ATXN10: variants seen among roughly 807,000 people sequenced by gnomAD.
The protein encoded by ATXN10 is ataxin-10.
In ATXN10, 28 loss-of-function variants were observed where a neutral mutation model predicts 52.9. The observed-to-expected ratio is 0.53, with a 90% confidence interval of 0.39 to 0.73. The LOEUF is 0.73. Among genes scored for constraint, ATXN10 ranks in the 30% least tolerant of loss-of-function variants. The pLI is 0.00. For missense variants in ATXN10, 565 were observed against 577.0 expected (o/e 0.98, Z 0.21); for synonymous variants, 226 against 221.5 (o/e 1.02, Z -0.18).
At chr22:45,800,928 G>A (rs889258982) in intron 9 of ATXN10, among the ~76,000 whole-genome samples, 2 of 152,236 alleles carry the variant, frequency 1.3e-5, no homozygotes, top group Non-Finnish European at 2.9e-5. Flanking sequence ...AGCTGCGCAA[G>A]GAGCTTTTGG....
At chr22:45,743,020 A>G (rs1269315850) in intron 9 of ATXN10, among the ~76,000 whole-genome samples, 1 of 152,234 alleles carries the variant, frequency 6.6e-6, no homozygotes, top group Non-Finnish European at 1.5e-5. Flanking sequence ...AGTAACCCTT[A>G]AAAGGCTTGC....
intron 10 of ATXN10, among the ~76,000 whole-genome samples, chr22:45,809,550 A>G (rs739157): frequency 3.9e-5 from 6 of 151,982 alleles, no homozygotes; most frequent in Non-Finnish European, 7.4e-5. Flanking sequence ...TGTTTATTTT[A>G]TGACATGAAC....
chr22:45,739,448 A>C (rs1053783259), intron 8 of ATXN10, among the ~76,000 whole-genome samples: 1 of 152,138 alleles, frequency 6.6e-6, no homozygotes, highest in African/African-American at 2.4e-5. Context: ...TACTCTGGAG[A>C]CCAGTGTCCT....
In ATXN10 at chr22:45,826,921, T is replaced by C. The variant is rs2146905789; in HGVS notation, c.1238-16070T>C. ...ATAACTTCACATTTTGTTTTCTACA[T>C]ATTTTAAGAGACTAATGTGTCTGAA... On this transcript the variant is annotated intron_variant, in intron 10 of 11. Transcript: ENST00000252934. This position sits in a 1 kb window ranked among gnomAD's most constrained non-coding sequence, Gnocchi z 5.0. 6.6e-6 allele frequency among the ~76,000 whole-genome samples: 1 copy of C among 152,364 alleles called. No individual in the cohort carries two copies. The highest frequency in any genetic ancestry group is 2.1e-4 in the South Asian group (1 of 4,830).
chr22:45,747,398 G>A (rs1925773572), intron 9 of ATXN10, among the ~76,000 whole-genome samples: 1 of 152,124 alleles, frequency 6.6e-6, no homozygotes, highest in African/African-American at 2.4e-5. Context: ...CAGCTGTTTG[G>A]GAGACTAAGG....
Position 45,843,892 on chromosome 22 carries a change from C to G in ATXN10, c.*221C>G, listed in dbSNP as rs998833443. 1.7e-5 allele frequency: 10 copies of G among 595,820 alleles called. No homozygotes were observed. The highest frequency in any genetic ancestry group is 3.0e-5 in the Non-Finnish European group (10 of 336,508). The allele number at this position is 595,820 out of a possible 1,614,324, so 36.9% of individuals were successfully genotyped here. A position where few individuals can be genotyped will look rare whatever the true frequency, so the allele number is the denominator to read the frequency against. ...ATGTAACTGTGTGGTTTGCCTTTGT[C>G]CCCCTGGATAGAACGTGCATTTAAA... is the stretch of plus-strand genomic sequence containing the variant. On this transcript the variant is annotated 3_prime_UTR_variant, in exon 12 of 12. Transcript: ENST00000252934. The surrounding 1 kb of genome is among the most constrained non-coding windows in gnomAD (Gnocchi z 4.5).
intron 10 of ATXN10, among the ~76,000 whole-genome samples, chr22:45,830,792 C>T (rs80031504): frequency 0.046 from 6,959 of 151,496 alleles, 186 homozygotes; most frequent in Non-Finnish European, 0.06. Context: ...TTGTGGAAAA[C>T]GGTTTGGCAA....
rs534142478 is a variant in ATXN10, at chr22:45,789,406, C to T, written c.1174-17553C>T. ...AAATCATTGTTAAGTATCTCGGGAC[C>T]GGGCAAGGGATGCAAGGATGAGTGG... On this transcript the variant is annotated intron_variant, in intron 9 of 11. Coordinates refer to ENST00000252934, the MANE Select transcript of ATXN10 (RefSeq NM_013236.4). The surrounding 1 kb of genome is among the most constrained non-coding windows in gnomAD (Gnocchi z 4.0). 2.0e-5 allele frequency among the ~76,000 whole-genome samples: 3 copies of T among 152,166 alleles called. No individual in the cohort carries two copies. Among genetic ancestry groups the T allele is most frequent in the African/African-American group, 4.8e-5 (2 of 41,506 alleles).
intron 5 of ATXN10, among the ~76,000 whole-genome samples, chr22:45,711,220 G>T (rs1041244354): frequency 1.3e-5 from 2 of 151,992 alleles, no homozygotes; most frequent in Admixed American, 1.3e-4. Context: ...GCCATAACTT[G>T]GGAAGATCTC....
At chr22:45,741,451 C>T (rs566488377) in intron 9 of ATXN10, among the ~76,000 whole-genome samples, 1 of 152,240 alleles carries the variant, frequency 6.6e-6, no homozygotes, top group South Asian at 2.1e-4. Context: ...GATCACCTTG[C>T]TGCGAGTTGC....
Position 45,705,156 on chromosome 22 carries a change from C to T in ATXN10, c.647+2309C>T, listed in dbSNP as rs534747629. The stretch of plus-strand genomic sequence containing the variant: ...AATCCTTTTTATATGTTGCTGGATT[C>T]GGTTCATATTTTGTTGGGGATTTTT... On this transcript the variant is annotated intron_variant, in intron 5 of 11. Transcript: ENST00000252934. The surrounding 1 kb of genome is among the most constrained non-coding windows in gnomAD (Gnocchi z 5.2). Among the ~76,000 whole-genome samples the T allele has an allele frequency of 5.2e-4, 79 of 152,022 alleles. No homozygotes were observed. Among genetic ancestry groups the T allele is most frequent in the African/African-American group, 1.8e-3 (73 of 41,460 alleles).
rs1476341280 is a variant in ATXN10, at chr22:45,816,387, T to C, written c.1237+9365T>C. Among the ~76,000 whole-genome samples, 1 of 152,232 alleles carries C rather than the reference T, an allele frequency of 6.6e-6. No individual in the cohort carries two copies. Among genetic ancestry groups the C allele is most frequent in the Non-Finnish European group, 1.5e-5 (1 of 68,030 alleles). ...TCTCCCGTTTCCTCTCTTTCCTCCT[T>C]TTAGACTTCGGTCATGTATGTCTTC... On this transcript the variant is annotated intron_variant, in intron 10 of 11. Transcript: ENST00000252934. The surrounding 1 kb of genome is among the most constrained non-coding windows in gnomAD (Gnocchi z 5.8).
At position 45,700,303 on chromosome 22, in the gene ATXN10, T is replaced by G. The variant is rs777307727; in HGVS notation, c.413T>G (p.Phe138Cys). ...LLTAFRCGLQ[F>C]LGNIASRNED... is the part of the protein sequence containing the mutation. ...TTAGCTTTTCGCTGTGGCCTGCAGT[T>G]TTTAGGCAACATTGCCTCACGGAAT... The change falls in exon 4 of 12, where the codon TTT becomes TGT. Residue 138 changes from phenylalanine to cysteine, a missense_variant. Phe to Cys is a radical substitution (Grantham distance 205). Coordinates refer to ENST00000252934, the MANE Select transcript of ATXN10 (RefSeq NM_013236.4). The G allele has an allele frequency of 3.8e-5, 61 of 1,613,620 alleles. No homozygotes were observed. Among genetic ancestry groups the G allele is most frequent in the Non-Finnish European group, 4.9e-5 (58 of 1,179,634 alleles).
chr22:45,729,692 A>T, intron 7 of ATXN10, 102 bp downstream of exon 7: 1 of 1,281,240 alleles, frequency 7.8e-7, no homozygotes. Context: ...GCTTTAAAAA[A>T]TATTATGTAA....
intron 10 of ATXN10, among the ~76,000 whole-genome samples, chr22:45,807,306 A>T (rs1402258214): frequency 6.6e-6 from 1 of 152,332 alleles, no homozygotes; most frequent in East Asian, 1.9e-4. Flanking sequence ...CATGCAAGGC[A>T]CTGTGCTGCG....
At chr22:45,679,647 G>T (rs1019994817) in intron 1 of ATXN10, 7 of 152,228 alleles carry the variant, frequency 4.6e-5, no homozygotes, top group Non-Finnish European at 1.0e-4. Context: ...CTTGGCTGAG[G>T]ACGCCATATG....
chr22:45,751,740 G>GAAAAAAAAAAAAAAAAAAAAA (rs200364242), intron 9 of ATXN10, among the ~76,000 whole-genome samples: 5 of 45,456 alleles, frequency 1.1e-4, no homozygotes. Context: ...CCTTTTTCTG[G>GAAAAAAAAAAAAAAAAAAAAA]AAAAAAAAAA....
rs1294687136 is a variant in ATXN10, at chr22:45,833,454, G to A, written c.1238-9537G>A. Reference sequence around the variant, plus strand: ...TCGCCAGAAGCTCCACCCTGTTCATGTTCTTCATTTAATCCTTTCTAACTT... The same window carrying A: ...TCGCCAGAAGCTCCACCCTGTTCATATTCTTCATTTAATCCTTTCTAACTT... On this transcript the variant is annotated intron_variant, in intron 10 of 11. Coordinates refer to ENST00000252934, the MANE Select transcript of ATXN10 (RefSeq NM_013236.4). The surrounding 1 kb of genome is among the most constrained non-coding windows in gnomAD (Gnocchi z 4.3). Among the ~76,000 whole-genome samples the A allele has an allele frequency of 6.6e-6, 1 of 152,176 alleles. No individual in the cohort carries two copies. Among genetic ancestry groups the A allele is most frequent in the African/African-American group, 2.4e-5 (1 of 41,432 alleles).
chr22:45,775,223 G>T lies in ATXN10; in HGVS notation c.1174-31736G>T, dbSNP rs1926909055. ...AGGGGACAGATGTGTGCACATGGAG[G>T]ACTGGGAGGGCTGGACATAACAGGA... On this transcript the variant is annotated intron_variant, in intron 9 of 11. Coordinates refer to ENST00000252934, the MANE Select transcript of ATXN10 (RefSeq NM_013236.4). This position sits in a 1 kb window ranked among gnomAD's most constrained non-coding sequence, Gnocchi z 4.7. 6.6e-6 allele frequency among the ~76,000 whole-genome samples: 1 copy of T among 152,120 alleles called. No homozygotes were observed. The highest frequency in any genetic ancestry group is 6.5e-5 in the Admixed American group (1 of 15,272).
Sources: allele counts gnomAD v4.1 joint callset (sites outside exome capture counted in the v4.1 genomes callset), GRCh38; gene constraint gnomAD v4.1.1; non-coding constraint Gnocchi (gnomAD v3.1); transcripts MANE v1.5; gene names NCBI Gene and HGNC (gene_info 2026-07-23, HGNC 2026-07-21).